The following MACROD1 variants were observed in gnomAD, a reference collection of about 807,000 sequenced individuals.
The protein encoded by MACROD1 is ADP-ribose glycohydrolase MACROD1.
In MACROD1, 31 loss-of-function variants were observed where a neutral mutation model predicts 41.4. That is an observed-to-expected ratio of 0.75 (90% CI 0.56 to 1.01). The LOEUF (loss-of-function observed/expected upper bound fraction) is 1.01. MACROD1 is among the 50% of genes least tolerant of loss of function. The probability of loss-of-function intolerance (pLI) is 0.00; values close to 1 mark genes in which losing one functional copy is unlikely to be tolerated. For missense variants in MACROD1, 473 were observed against 460.0 expected, an observed-to-expected ratio of 1.03 and a Z score of -0.26; for synonymous variants, 252 against 203.4, an observed-to-expected ratio of 1.24 and a Z score of -2.03.
chr11:64,142,272 G>A (rs1295627724), intron 3 of MACROD1, among the ~76,000 whole-genome samples: 1 of 152,172 alleles, frequency 6.6e-6, no homozygotes, highest in East Asian at 1.9e-4. Context: ...GCTCACACCT[G>A]TAATCCGACC....
In MACROD1 at chr11:64,041,199, T is replaced by TAAAAAA. The variant is rs71045724; in HGVS notation, c.518-25924_518-25919dup. Reference sequence around the variant, plus strand: ...AGATTACAACAGATTTAGCAAACTGTAAAAAAAAAAAAAAAAAAAAAAAAA... The same window carrying TAAAAAA: ...AGATTACAACAGATTTAGCAAACTGTAAAAAAAAAAAAAAAAAAAAAAAAAAAAAAA... On this transcript the variant is annotated intron_variant, in intron 3 of 10. Coordinates refer to ENST00000255681, the MANE Select transcript of MACROD1 (RefSeq NM_014067.4). Among the ~76,000 whole-genome samples the TAAAAAA allele has an allele frequency of 5.2e-3, 112 of 21,602 alleles. 29 individuals carry two copies. The highest frequency in any genetic ancestry group is 0.015 in the African/African-American group (91 of 6,208). The allele number at this position is 21,602 out of a possible 152,430, so 14.2% of individuals were successfully genotyped here. A position where few individuals can be genotyped will look rare whatever the true frequency, so the allele number is the denominator to read the frequency against.
chr11:64,107,757 G>A (rs755680606), intron 3 of MACROD1, among the ~76,000 whole-genome samples: 1 of 152,156 alleles, frequency 6.6e-6, no homozygotes, highest in African/African-American at 2.4e-5. Flanking sequence ...GGGGTTAGAA[G>A]GTCCTTGAGG....
chr11:64,127,814 C>T (rs376606892), intron 3 of MACROD1, among the ~76,000 whole-genome samples: 1 of 152,172 alleles, frequency 6.6e-6, no homozygotes, highest in African/African-American at 2.4e-5. Flanking sequence ...GCCACCACCC[C>T]AGACGCCCCC....
chr11:64,115,672 C>G (rs1211290585), intron 3 of MACROD1, among the ~76,000 whole-genome samples: 1 of 152,218 alleles, frequency 6.6e-6, no homozygotes, highest in South Asian at 2.1e-4. Flanking sequence ...GCGACGCCCC[C>G]CTTTTGAGCT....
At chr11:64,162,965 A>T (rs1029299707) in intron 1 of MACROD1, among the ~76,000 whole-genome samples, 58 of 151,820 alleles carry the variant, frequency 3.8e-4, no homozygotes, top group Middle Eastern at 3.4e-3. Context: ...CCAAAAACAC[A>T]AAAAAATTAG....
intron 3 of MACROD1, chr11:64,087,292 C>T (rs1218501687): frequency 6.6e-6 from 1 of 152,372 alleles, no homozygotes; most frequent in African/African-American, 2.4e-5. Flanking sequence ...TCAACCTGCT[C>T]CTGTCACTTC....
At chr11:64,145,614 G>A (rs960733241) in intron 3 of MACROD1, among the ~76,000 whole-genome samples, 2 of 152,200 alleles carry the variant, frequency 1.3e-5, no homozygotes, top group Admixed American at 6.5e-5. Flanking sequence ...GCCACGGTGC[G>A]CACAGCCCAT....
At chr11:64,002,955 G>T (rs371274652) in intron 4 of MACROD1, among the ~76,000 whole-genome samples, 1 of 152,242 alleles carries the variant, frequency 6.6e-6, no homozygotes, top group Admixed American at 6.5e-5. Context: ...CCAACCCTTA[G>T]TCTCCTCTCC....
intron 3 of MACROD1, among the ~76,000 whole-genome samples, chr11:64,077,984 C>T (rs1944234626): frequency 6.6e-6 from 1 of 152,006 alleles, no homozygotes; most frequent in African/African-American, 2.4e-5. Context: ...TCCCCTGCCT[C>T]CTCCTCAGCG....
intron 1 of MACROD1, among the ~76,000 whole-genome samples, chr11:64,158,348 G>T (rs963537546): frequency 1.3e-5 from 2 of 152,180 alleles, no homozygotes; most frequent in African/African-American, 4.8e-5. Flanking sequence ...ACAAGGAAGG[G>T]GAGGCTGCTG....
intron 3 of MACROD1, among the ~76,000 whole-genome samples, chr11:64,026,557 A>G (rs1294062227): frequency 1.3e-5 from 2 of 152,192 alleles, no homozygotes; most frequent in African/African-American, 4.8e-5. Context: ...GTTATTGCCA[A>G]ATTGCTCTGC....
intron 4 of MACROD1, among the ~76,000 whole-genome samples, chr11:64,004,328 C>T (rs1048531960): frequency 6.6e-6 from 1 of 152,206 alleles, no homozygotes; most frequent in Non-Finnish European, 1.5e-5. Flanking sequence ...AGGCAGGCTC[C>T]GGTGGGGCCA....
chr11:64,074,278 A>G (rs1264100396), intron 3 of MACROD1, among the ~76,000 whole-genome samples: 1 of 152,184 alleles, frequency 6.6e-6, no homozygotes, highest in Admixed American at 6.5e-5. Context: ...GAGGCTCATG[A>G]GGAAGGTTTC....
intron 3 of MACROD1, among the ~76,000 whole-genome samples, chr11:64,039,227 G>A (rs1452270112): frequency 6.6e-6 from 1 of 152,114 alleles, no homozygotes; most frequent in Non-Finnish European, 1.5e-5. Context: ...AGCGAGCGTG[G>A]GTGGACAAGA....
intron 3 of MACROD1, among the ~76,000 whole-genome samples, chr11:64,030,454 C>T (rs891342387): frequency 7.9e-5 from 12 of 152,170 alleles, no homozygotes; most frequent in African/African-American, 2.9e-4. Flanking sequence ...CATGCAGGAA[C>T]CCAAATAGGC....
chr11:64,029,637 G>A lies in MACROD1; in HGVS notation c.518-14356C>T, dbSNP rs185917741. ...CTGGAGGCCCTTCCCAGCCCACCCTGCGCAGCTGGCCTCGCCCCCACCCCC... is the reference window on the plus strand; with the variant it reads ...CTGGAGGCCCTTCCCAGCCCACCCTACGCAGCTGGCCTCGCCCCCACCCCC... On this transcript the variant is annotated intron_variant, in intron 3 of 10. Transcript: ENST00000255681. 3.5e-3 allele frequency among the ~76,000 whole-genome samples: 527 copies of A among 151,574 alleles called. 3 individuals are homozygous for A. Among genetic ancestry groups the A allele is most frequent in the Non-Finnish European group, 4.8e-3 (327 of 67,876 alleles).
intron 3 of MACROD1, among the ~76,000 whole-genome samples, chr11:64,056,060 C>T (rs1276527680): frequency 4.6e-5 from 7 of 152,198 alleles, no homozygotes; most frequent in African/African-American, 4.8e-5. Flanking sequence ...CCAGGGTTGG[C>T]AGGAGGCTGT....
chr11:64,133,623 G>A (rs780653995), intron 3 of MACROD1, among the ~76,000 whole-genome samples: 2 of 152,166 alleles, frequency 1.3e-5, no homozygotes, highest in Admixed American at 6.5e-5. Context: ...CCTGCCACCC[G>A]CCCCAGCCTC....
intron 3 of MACROD1, among the ~76,000 whole-genome samples, chr11:64,019,902 C>T (rs1018648133): frequency 1.2e-4 from 18 of 152,118 alleles, no homozygotes; most frequent in South Asian, 1.0e-3. Context: ...GGGAGGGGCA[C>T]GGGGACGTGC....
Sources: gnomAD v4.1 joint callset for allele counts (sites outside exome capture counted in the v4.1 genomes callset) on GRCh38, gnomAD v4.1.1 for gene constraint, MANE v1.5 for transcripts, NCBI Gene and HGNC (gene_info 2026-07-23, HGNC 2026-07-21) for gene names.